Variants in SORCS2 observed in about 807,000 individuals in gnomAD.
SORCS2 encodes VPS10 domain-containing receptor SorCS2.
Under a neutral mutation model 141.6 loss-of-function variants are expected in SORCS2, and 100 were observed. The observed-to-expected ratio is 0.71, with a 90% CI of 0.60 to 0.83. The LOEUF (loss-of-function observed/expected upper bound fraction) is 0.83. SORCS2 is among the 40% of genes least tolerant of loss of function. The pLI is 0.00. For missense variants in SORCS2, 1,646 were observed against 1,560.2 expected, an observed-to-expected ratio of 1.05 and a Z score of -0.93; for synonymous variants, 789 against 676.9, an observed-to-expected ratio of 1.17 and a Z score of -2.57.
At chr4:7,253,648 G>A (rs368441442) in intron 1 of SORCS2, among the ~76,000 whole-genome samples, 3 of 152,340 alleles carry the variant, frequency 2.0e-5, no homozygotes, top group African/African-American at 7.2e-5. Context: ...GGGTCACTGG[G>A]GAGGAGGTGG....
intron 10 of SORCS2, among the ~76,000 whole-genome samples, chr4:7,687,990 A>G (rs916762934): frequency 6.6e-5 from 10 of 152,228 alleles, no homozygotes; most frequent in African/African-American, 2.2e-4. Flanking sequence ...TACAACCAGT[A>G]CATCTGTTAA....
chr4:7,628,523 A>AG (rs1419940047), intron 3 of SORCS2, among the ~76,000 whole-genome samples: 1 of 151,656 alleles, frequency 6.6e-6, no homozygotes, highest in Admixed American at 6.6e-5. Context: ...CGTCTCGAAA[A>AG]AAAAAAAAAA....
chr4:7,342,312 C>T (rs531436771), intron 1 of SORCS2, among the ~76,000 whole-genome samples: 6 of 152,344 alleles, frequency 3.9e-5, no homozygotes, highest in South Asian at 4.1e-4. Flanking sequence ...CTGCCTCTGA[C>T]GTTGCCCCGG....
chr4:7,489,315 C>T (rs1010131840), intron 2 of SORCS2, among the ~76,000 whole-genome samples: 6 of 152,170 alleles, frequency 3.9e-5, no homozygotes, highest in African/African-American at 1.4e-4. Context: ...TCCAAGCACC[C>T]TAAACCCACT....
chr4:7,645,436 C>T (rs1721008491), intron 4 of SORCS2, among the ~76,000 whole-genome samples: 1 of 152,046 alleles, frequency 6.6e-6, no homozygotes, highest in Non-Finnish European at 1.5e-5. Context: ...AAATTGCCAG[C>T]TTATGGGTGT....
Position 7,740,778 on chromosome 4 carries a change from C to A in SORCS2, c.*514C>A. ...CCAGGCCCTCCCAACACCACACCAC[C>A]CTCCAGGCCCCCCTGCCCTCCGGCT... On this transcript the variant is annotated 3_prime_UTR_variant, in exon 27 of 27. Transcript: ENST00000507866. 1 of 346,152 alleles carries A rather than the reference C, an allele frequency of 2.9e-6. No individual in the cohort carries two copies. The highest frequency in any genetic ancestry group is 5.2e-6 in the Non-Finnish European group (1 of 192,978). 21.4% of individuals were successfully genotyped at this position (346,152 alleles called of 1,614,324 possible).
chr4:7,323,200 T>C (rs1230216467), intron 1 of SORCS2, among the ~76,000 whole-genome samples: 1 of 152,222 alleles, frequency 6.6e-6, no homozygotes, highest in Non-Finnish European at 1.5e-5. Flanking sequence ...GTTGAGGGAA[T>C]TAGCACAAAG....
chr4:7,674,348 C>T (rs1415394950), intron 8 of SORCS2, among the ~76,000 whole-genome samples: 2 of 151,850 alleles, frequency 1.3e-5, no homozygotes, highest in Admixed American at 6.6e-5. Context: ...GGGAGGAAGG[C>T]GGATCACGAG....
At chr4:7,484,732 G>A (rs1020018396) in intron 2 of SORCS2, among the ~76,000 whole-genome samples, 1 of 152,054 alleles carries the variant, frequency 6.6e-6, no homozygotes, top group Non-Finnish European at 1.5e-5. Context: ...CAAGTTAAAC[G>A]ACAGCCTGAG....
chr4:7,508,260 A>G, intron 2 of SORCS2, among the ~76,000 whole-genome samples: 1 of 116,362 alleles, frequency 8.6e-6, no homozygotes, highest in African/African-American at 3.4e-5. Context: ...AGGGAGGGGG[A>G]GAGGGAAAAA....
At chr4:7,492,276 C>T (rs1258618221) in intron 2 of SORCS2, among the ~76,000 whole-genome samples, 1 of 152,252 alleles carries the variant, frequency 6.6e-6, no homozygotes, top group Non-Finnish European at 1.5e-5. Context: ...CTACTCTCTG[C>T]TTCTATGGAT....
intron 1 of SORCS2, among the ~76,000 whole-genome samples, chr4:7,210,898 C>G (rs1728023390): frequency 6.6e-6 from 1 of 152,136 alleles, no homozygotes; most frequent in Non-Finnish European, 1.5e-5. Flanking sequence ...TTGGGAAAGG[C>G]AGGCAGGGGG....
chr4:7,250,865 C>A (rs1021763707), intron 1 of SORCS2, among the ~76,000 whole-genome samples: 3 of 152,268 alleles, frequency 2.0e-5, no homozygotes, highest in African/African-American at 7.2e-5. Context: ...AAGAACGGGG[C>A]CTTTTAATAT....
At chr4:7,211,573 A>G (rs1311886215) in intron 1 of SORCS2, among the ~76,000 whole-genome samples, 1 of 152,084 alleles carries the variant, frequency 6.6e-6, no homozygotes, top group Non-Finnish European at 1.5e-5. Flanking sequence ...GAGTTTCACC[A>G]TATTGGCCAG....
chr4:7,343,281 A>G (rs938866752), intron 1 of SORCS2, among the ~76,000 whole-genome samples: 3 of 152,218 alleles, frequency 2.0e-5, no homozygotes, highest in African/African-American at 4.8e-5. Flanking sequence ...TTTGGGTGTC[A>G]TGCCAAAGTG....
intron 1 of SORCS2, among the ~76,000 whole-genome samples, chr4:7,299,561 G>C (rs904995): frequency 0.77 from 116,655 of 151,794 alleles, 47,057 homozygotes; most frequent in Non-Finnish European, 0.89. Flanking sequence ...GAGCATGTTA[G>C]ATCCTGGGGC....
intron 1 of SORCS2, among the ~76,000 whole-genome samples, chr4:7,365,495 G>T (rs1443470267): frequency 6.6e-6 from 1 of 152,164 alleles, no homozygotes; most frequent in Non-Finnish European, 1.5e-5. Context: ...GTTCAGTTTT[G>T]TATGTGGGGG....
rs1420638106 is a variant in SORCS2 at position 7,741,902 on chromosome 4, AG to A, written c.*1640del. ...CCCCAAACAGTGCCCGGTGGGGAGG[AG>A]GCACCCGCTCCTTGTTGAGTAAAAC... On this transcript the variant is annotated 3_prime_UTR_variant, in exon 27 of 27. Transcript: ENST00000507866. 1 of 152,176 alleles carries A rather than the reference AG, an allele frequency of 6.6e-6. No individual in the cohort carries two copies. The highest frequency in any genetic ancestry group is 1.5e-5 in the Non-Finnish European group (1 of 68,068). 9.4% of individuals were successfully genotyped at this position (152,176 alleles called of 1,614,324 possible). A position where few individuals can be genotyped will look rare whatever the true frequency, so the allele number is the denominator to read the frequency against.
intron 1 of SORCS2, among the ~76,000 whole-genome samples, chr4:7,280,011 C>T (rs1715764916): frequency 6.6e-6 from 1 of 152,092 alleles, no homozygotes; most frequent in Non-Finnish European, 1.5e-5. Flanking sequence ...ACTGACTGGA[C>T]TCAGATCAAA....
Sources: allele counts gnomAD v4.1 joint callset (sites outside exome capture counted in the v4.1 genomes callset), GRCh38; gene constraint gnomAD v4.1.1; transcripts MANE v1.5; gene names NCBI Gene and HGNC (gene_info 2026-07-23, HGNC 2026-07-21).